DMD: variants seen among roughly 807,000 people sequenced by gnomAD.
DMD encodes the protein dystrophin.
In DMD, 63 loss-of-function variants were observed where a neutral mutation model predicts 330.1. That is an observed-to-expected ratio of 0.19 (90% confidence interval 0.16 to 0.24). The LOEUF (loss-of-function observed/expected upper bound fraction) is 0.24. DMD is among the 10% of genes least tolerant of loss of function. DMD has a pLI of 1.00. For missense variants in DMD, 3,344 were observed against 2,684.1 expected, an observed-to-expected ratio of 1.25 and a Z score of -5.43; for synonymous variants, 1,223 against 959.8, an observed-to-expected ratio of 1.27 and a Z score of -5.07.
chrX:32,892,396 GTTT>G (rs201649909), intron 2 of DMD, among the ~76,000 whole-genome samples: 6,843 of 111,488 alleles, frequency 0.061, 226 homozygotes, highest in Middle Eastern at 0.12. Flanking sequence ...TTCGTTTTTT[GTTT>G]TTTGTTTCTT....
At chrX:33,090,807 A>G (rs2148307370) in intron 1 of DMD, among the ~76,000 whole-genome samples, 1 of 111,224 alleles carries the variant, frequency 9.0e-6, no homozygotes, top group South Asian at 3.7e-4. Flanking sequence ...GGCTATCTAT[A>G]ACAGGATAAT....
At chrX:33,233,223 T>C (rs2052419900) in intron 1 of DMD, among the ~76,000 whole-genome samples, 1 of 111,523 alleles carries the variant, frequency 9.0e-6, no homozygotes, top group South Asian at 3.8e-4. Context: ...AAAAGAAATT[T>C]AAAAATAAAC....
intron 44 of DMD, among the ~76,000 whole-genome samples, chrX:32,066,840 G>A (rs1430514423): frequency 9.0e-6 from 1 of 111,658 alleles, no homozygotes; most frequent in Non-Finnish European, 1.9e-5. Flanking sequence ...AGTTACCAAC[G>A]ATGGATGGAT....
intron 2 of DMD, among the ~76,000 whole-genome samples, chrX:32,902,293 T>G (rs1211204275): frequency 1.8e-5 from 2 of 109,507 alleles, no homozygotes; most frequent in Non-Finnish European, 3.8e-5. Flanking sequence ...ATTTACAAAG[T>G]GTTTCTATAG....
intron 44 of DMD, among the ~76,000 whole-genome samples, chrX:32,025,258 T>A (rs1260930172): frequency 8.9e-6 from 1 of 112,677 alleles, no homozygotes; most frequent in Non-Finnish European, 1.9e-5. Flanking sequence ...TATTTTAATT[T>A]AAAAATCCTA....
chrX:31,385,760 A>C (rs1298652720), intron 60 of DMD, among the ~76,000 whole-genome samples: 1 of 112,316 alleles, frequency 8.9e-6, no homozygotes, highest in African/African-American at 3.2e-5. Flanking sequence ...GAGAAATAGC[A>C]CTTTTACACT....
chrX:31,717,419 C>G (rs1399568061), intron 52 of DMD, among the ~76,000 whole-genome samples: 2 of 111,945 alleles, frequency 1.8e-5, no homozygotes, highest in Non-Finnish European at 3.8e-5. Flanking sequence ...GTACGTTTGG[C>G]ATGGTACCCA....
At chrX:31,163,340 G>T (rs765951295) in intron 74 of DMD, among the ~76,000 whole-genome samples, 1 of 111,497 alleles carries the variant, frequency 9.0e-6, no homozygotes, top group South Asian at 3.8e-4. Flanking sequence ...GCCTGCCACC[G>T]TGTAAGACAT....
chrX:32,431,717 T>C (rs1384350830), intron 29 of DMD, among the ~76,000 whole-genome samples: 7 of 112,041 alleles, frequency 6.2e-5, no homozygotes, highest in Non-Finnish European at 1.1e-4. Flanking sequence ...GTTTTCTTTT[T>C]TATAACTTCA....
intron 29 of DMD, among the ~76,000 whole-genome samples, chrX:32,437,275 G>A (rs1418531802): frequency 8.9e-6 from 1 of 112,013 alleles, no homozygotes. Flanking sequence ...ATTCAAGACT[G>A]GAGGTGCTGC....
At chrX:31,922,525 T>TGTGTGTGTGTGTGTGTGTGCGCGCGC (rs773093542) in intron 47 of DMD, among the ~76,000 whole-genome samples, 37 of 106,393 alleles carry the variant, frequency 3.5e-4, no homozygotes, top group African/African-American at 1.1e-3. Flanking sequence ...TGTGTGTGTG[T>TGTGTGTGTGTGTGTGTGTGCGCGCGC]GCGCGCGCGT....
In DMD at chrX:32,614,638, A is replaced by G. The variant is rs2057418655; in HGVS notation, c.1332-185T>C. Among the ~76,000 whole-genome samples the G allele has an allele frequency of 2.7e-5, 3 of 111,528 alleles. 1 individual carries two copies. Among genetic ancestry groups the G allele is most frequent in the Admixed American group, 1.9e-4 (2 of 10,443 alleles). On this transcript the variant is annotated intron_variant, in intron 11 of 78. Coordinates refer to ENST00000357033, the MANE Select transcript of DMD (RefSeq NM_004006.3). ...CCCGGAACTATTATTTCTCAGACTT[A>G]TAATAGTTCACAAATCCTGATTTCT...
chrX:32,338,796 T>C (rs1485502353), intron 41 of DMD, among the ~76,000 whole-genome samples: 1 of 111,530 alleles, frequency 9.0e-6, no homozygotes, highest in African/African-American at 3.3e-5. Context: ...GCTACAATGA[T>C]GTGAGGGGCA....
intron 55 of DMD, among the ~76,000 whole-genome samples, chrX:31,568,680 T>C (rs954829335): frequency 8.9e-6 from 1 of 111,743 alleles, no homozygotes. Flanking sequence ...TTAGACGGCA[T>C]ATTGTGTGCT....
At chrX:32,737,241 T>C (rs1209401879) in intron 7 of DMD, among the ~76,000 whole-genome samples, 1 of 111,297 alleles carries the variant, frequency 9.0e-6, no homozygotes, top group African/African-American at 3.3e-5. Context: ...CATGTTTCAC[T>C]TGGAATAAAA....
At chrX:31,196,457 T>C (rs1217241287) in intron 67 of DMD, among the ~76,000 whole-genome samples, 2 of 111,346 alleles carry the variant, frequency 1.8e-5, no homozygotes, top group African/African-American at 3.3e-5. Context: ...GTCTGATTAA[T>C]ACACAAAAAG....
chrX:31,947,473 G>A (rs757664342), intron 45 of DMD, among the ~76,000 whole-genome samples: 10 of 111,394 alleles, frequency 9.0e-5, no homozygotes, highest in Admixed American at 2.9e-4. Flanking sequence ...AGGTGTACAC[G>A]ATGGGTCCAT....
At chrX:33,218,977 T>C in intron 1 of DMD, among the ~76,000 whole-genome samples, 1 of 111,513 alleles carries the variant, frequency 9.0e-6, no homozygotes, top group South Asian at 3.7e-4. Flanking sequence ...TTTCTGACTT[T>C]TCCCATTTTT....
In DMD at chrX:32,310,281, T is replaced by C. The variant is rs1469029202; in HGVS notation, c.5923-5A>G. 4.2e-6 allele frequency: 5 copies of C among 1,202,592 alleles called. No individual in the cohort carries two copies. Among genetic ancestry groups the C allele is most frequent in the Non-Finnish European group, 4.5e-6 (4 of 889,473 alleles). On this transcript the variant is annotated splice_region_variant and splice_polypyrimidine_tract_variant and intron_variant, in intron 41 of 78. Transcript: ENST00000357033. ...CGTTTCTTCACGGACAGTGTGCTGGTATAGATATACAAAAGAACAATTTTT... is the reference window on the plus strand; with the variant it reads ...CGTTTCTTCACGGACAGTGTGCTGGCATAGATATACAAAAGAACAATTTTT...
Sources: allele counts gnomAD v4.1 joint callset (sites outside exome capture counted in the v4.1 genomes callset), GRCh38; gene constraint gnomAD v4.1.1; transcripts MANE v1.5; gene names NCBI Gene and HGNC (gene_info 2026-07-23, HGNC 2026-07-21).